Variants in NOSTRIN observed in about 807,000 individuals in gnomAD.
NOSTRIN encodes BM247 homolog.
In NOSTRIN, 63 loss-of-function variants were observed where a neutral mutation model predicts 59.0. The ratio of observed to expected loss-of-function variants is 1.07; its 90% CI spans 0.87 to 1.32. NOSTRIN has a LOEUF of 1.32. Among genes scored for constraint, NOSTRIN ranks in the 40% most tolerant of loss-of-function variants. The pLI is 0.00. For synonymous variants in NOSTRIN, 200 were observed against 165.4 expected (o/e 1.21, Z -1.61); for missense variants, 512 against 473.1 (o/e 1.08, Z -0.76).
chr2:168,797,607 A>G (rs369643844), upstream of NOSTRIN, among the ~76,000 whole-genome samples: 1 of 152,322 alleles, frequency 6.6e-6, no homozygotes, highest in African/African-American at 2.4e-5. Flanking sequence ...AGATACAAAA[A>G]TAACATGTCA....
chr2:168,787,647 T>A (rs1459935228), intron 1 of NOSTRIN, among the ~76,000 whole-genome samples: 1 of 152,204 alleles, frequency 6.6e-6, no homozygotes, highest in East Asian at 1.9e-4. Flanking sequence ...ACACAGCAGG[T>A]GCCCAATAAA....
intron 5 of NOSTRIN, among the ~76,000 whole-genome samples, chr2:168,829,617 G>C (rs546907684): frequency 6.6e-6 from 1 of 152,144 alleles, no homozygotes; most frequent in Non-Finnish European, 1.5e-5. Flanking sequence ...CACTGCCCTC[G>C]GCCTAGAACA....
upstream of NOSTRIN, among the ~76,000 whole-genome samples, chr2:168,800,764 G>A (rs1378553031): frequency 6.6e-6 from 1 of 152,114 alleles, no homozygotes; most frequent in Non-Finnish European, 1.5e-5. Flanking sequence ...AGGAATCACA[G>A]AGAAAACATT....
intron 2 of NOSTRIN, among the ~76,000 whole-genome samples, chr2:168,813,248 T>C (rs967024070): frequency 1.3e-5 from 2 of 152,208 alleles, no homozygotes; most frequent in African/African-American, 4.8e-5. Context: ...AATCTATGCA[T>C]GTATCAGCCA....
At chr2:168,803,955 C>T (rs571413663) in intron 1 of NOSTRIN, among the ~76,000 whole-genome samples, 17 of 152,220 alleles carry the variant, frequency 1.1e-4, no homozygotes, top group African/African-American at 2.2e-4. Context: ...TGTATAGGGG[C>T]GGCAGGCCAG....
intron 15 of NOSTRIN, among the ~76,000 whole-genome samples, chr2:168,863,014 C>T (rs1266188561): frequency 1.6e-5 from 1 of 64,314 alleles, no homozygotes; most frequent in Non-Finnish European, 2.8e-5. Context: ...TACTTTTCTT[C>T]CTATGTGAAT....
At chr2:168,814,823 TGGGA>T (rs1686316737) in intron 2 of NOSTRIN, among the ~76,000 whole-genome samples, 9 of 152,254 alleles carry the variant, frequency 5.9e-5, no homozygotes, top group African/African-American at 2.2e-4. Context: ...CCTAGCATTT[TGGGA>T]GGCCAAGATG....
At chr2:168,801,775 G>T (rs929108334), upstream of NOSTRIN, among the ~76,000 whole-genome samples, 2 of 152,188 alleles carry the variant, frequency 1.3e-5, no homozygotes, top group African/African-American at 4.8e-5. Flanking sequence ...GGGACCACAG[G>T]TACAGGGAAT....
In NOSTRIN at chr2:168,849,918, A is replaced by ATTTT. The variant is rs71297456; in HGVS notation, c.631-1153_631-1150dup. Among the ~76,000 whole-genome samples the ATTTT allele has an allele frequency of 3.6e-3, 330 of 91,380 alleles. 8 individuals carry two copies. The highest frequency in any genetic ancestry group is 0.023 in the South Asian group (53 of 2,310). The allele number at this position is 91,380 out of a possible 152,430, so 59.9% of individuals were successfully genotyped here. On this transcript the variant is annotated intron_variant, in intron 8 of 15. Coordinates refer to ENST00000317647, the MANE Select transcript of NOSTRIN (RefSeq NM_001039724.4). ...TGGGTCCAATAAGTAACATTTTCTC[A>ATTTT]TTTTTTTTTTTTTTTTGAGACAGTT...
chr2:168,805,835 C>T (rs1057370608), intron 1 of NOSTRIN, among the ~76,000 whole-genome samples: 20 of 152,256 alleles, frequency 1.3e-4, no homozygotes, highest in Admixed American at 1.1e-3. Context: ...GTCCGTAGCT[C>T]CTAGGAGAAT....
intron 8 of NOSTRIN, among the ~76,000 whole-genome samples, chr2:168,848,617 G>A (rs1191420708): frequency 6.6e-6 from 1 of 152,196 alleles, no homozygotes; most frequent in African/African-American, 2.4e-5. Context: ...AAAAAGGAAG[G>A]GAATTCTGGC....
At chr2:168,821,274 A>T (rs1686719435) in intron 2 of NOSTRIN, among the ~76,000 whole-genome samples, 1 of 152,258 alleles carries the variant, frequency 6.6e-6, no homozygotes. Flanking sequence ...AGTGCTTGAC[A>T]GCAGTGTGCT....
At chr2:168,788,989 G>C (rs1034569271) in intron 2 of NOSTRIN, among the ~76,000 whole-genome samples, 4 of 152,106 alleles carry the variant, frequency 2.6e-5, no homozygotes, top group Non-Finnish European at 5.9e-5. Flanking sequence ...TGCCTCCTCA[G>C]TAGCTCCTCC....
In NOSTRIN at chr2:168,790,343, G is replaced by A. The variant is rs938981273; in HGVS notation, c.-473+2295G>A. On this transcript the variant is annotated intron_variant, in intron 2 of 20. Transcript: ENST00000458381. ...GAGAAAGGTGTTTGCCTAGTTTCAA[G>A]GTGTACGTCACCACAAAATATTTAC... Among the ~76,000 whole-genome samples, 4 of 152,284 alleles carry A rather than the reference G, an allele frequency of 2.6e-5. No individual in the cohort carries two copies. In the East Asian group the frequency reaches 7.7e-4, roughly 29 times the overall value.
At chr2:168,797,077 T>A (rs979306251), upstream of NOSTRIN, among the ~76,000 whole-genome samples, 2 of 53,220 alleles carry the variant, frequency 3.8e-5, no homozygotes, top group African/African-American at 1.1e-4. Context: ...TTTTTCTTTT[T>A]TCTTTTTTTT....
intron 8 of NOSTRIN, among the ~76,000 whole-genome samples, chr2:168,849,640 G>A (rs919884945): frequency 7.4e-6 from 1 of 135,202 alleles, no homozygotes; most frequent in Non-Finnish European, 1.5e-5. Flanking sequence ...ATAGGCATGA[G>A]CCACCGCACC....
At chr2:168,814,265 C>T (rs1363606597) in intron 2 of NOSTRIN, among the ~76,000 whole-genome samples, 1 of 152,146 alleles carries the variant, frequency 6.6e-6, no homozygotes, top group Non-Finnish European at 1.5e-5. Context: ...TGAACTGAGT[C>T]AACAATTATG....
chr2:168,805,892 G>A (rs549675664), intron 1 of NOSTRIN, among the ~76,000 whole-genome samples: 1 of 152,336 alleles, frequency 6.6e-6, no homozygotes, highest in East Asian at 1.9e-4. Context: ...TGGCATGGGT[G>A]TCACGTGGCC....
intron 7 of NOSTRIN, among the ~76,000 whole-genome samples, chr2:168,836,631 C>G (rs112752019): frequency 0.013 from 1,914 of 149,860 alleles, 35 homozygotes; most frequent in African/African-American, 0.041. Flanking sequence ...TCTAAACCTC[C>G]GTTCTCCTCA....
Sources: allele counts gnomAD v4.1 joint callset (sites outside exome capture counted in the v4.1 genomes callset), GRCh38; gene constraint gnomAD v4.1.1; transcripts MANE v1.5; gene names NCBI Gene and HGNC (gene_info 2026-07-23, HGNC 2026-07-21).